The following TNKS variants were observed in gnomAD, a reference collection of about 807,000 sequenced individuals.
TNKS encodes tankyrase.
A neutral mutation model predicts 135.8 loss-of-function variants in TNKS; 72 were observed. The ratio of observed to expected loss-of-function variants is 0.53; its 90% CI spans 0.44 to 0.64. The LOEUF (loss-of-function observed/expected upper bound fraction) is 0.64. Among genes scored for constraint, TNKS ranks in the 30% least tolerant of loss-of-function variants. TNKS has a pLI of 0.00. For missense variants in TNKS, 1,769 were observed against 1,674.0 expected, an observed-to-expected ratio of 1.06 and a Z score of -0.99; for synonymous variants, 849 against 649.3, an observed-to-expected ratio of 1.31 and a Z score of -4.68.
At chr8:9,637,388 T>G (rs1393862535) in intron 3 of TNKS, among the ~76,000 whole-genome samples, 1 of 152,198 alleles carries the variant, frequency 6.6e-6, no homozygotes, top group Admixed American at 6.5e-5. Context: ...TTTATAATTC[T>G]AGTTATATAT....
At position 9,763,253 on chromosome 8, in the gene TNKS, C is replaced by T. The variant is rs568510264; in HGVS notation, c.3372+9C>T. The T allele has an allele frequency of 7.2e-6, 11 of 1,531,364 alleles. No individual in the cohort carries two copies. In the African/African-American group the frequency reaches 9.6e-5, roughly 13 times the overall value. The allele number at this position is 1,531,364 out of a possible 1,614,324, so 94.9% of individuals were successfully genotyped here. ...AGTCAGTGGAAGAAGAGGTAATATA[C>T]ATCAGAAATCTTTCATTTGCTTTTC... On this transcript the variant is annotated intron_variant, in intron 22 of 26. Coordinates refer to ENST00000310430, the MANE Select transcript of TNKS (RefSeq NM_003747.3).
intron 1 of TNKS, among the ~76,000 whole-genome samples, chr8:9,577,468 G>A (rs932005905): frequency 3.9e-5 from 6 of 152,284 alleles, no homozygotes; most frequent in Admixed American, 2.0e-4. Context: ...TGGCTGGGGA[G>A]GCCCCAGGAA....
intron 11 of TNKS, among the ~76,000 whole-genome samples, chr8:9,714,085 T>G (rs1466140863): frequency 2.0e-5 from 3 of 152,188 alleles, no homozygotes; most frequent in African/African-American, 7.2e-5. Context: ...ATTAAGTAAT[T>G]TGCCTTACTT....
intron 2 of TNKS, among the ~76,000 whole-genome samples, chr8:9,589,524 C>G (rs912790076): frequency 9.2e-5 from 14 of 152,230 alleles, no homozygotes; most frequent in African/African-American, 3.1e-4. Context: ...GCTGTGAGGT[C>G]TTGGCTTCAA....
intron 3 of TNKS, among the ~76,000 whole-genome samples, chr8:9,617,358 A>G (rs968356759): frequency 6.6e-6 from 1 of 152,222 alleles, no homozygotes; most frequent in Admixed American, 6.5e-5. Flanking sequence ...TCTTGGTCAT[A>G]ATACTGATTT....
chr8:9,722,278 G>A (rs1463625547), intron 12 of TNKS: 2 of 152,022 alleles, frequency 1.3e-5, no homozygotes, highest in Non-Finnish European at 2.9e-5. Context: ...CCCTTCTAGG[G>A]CTTGTAGAGA....
intron 25 of TNKS, among the ~76,000 whole-genome samples, chr8:9,768,429 C>T (rs1341245148): frequency 6.6e-6 from 1 of 152,346 alleles, no homozygotes; most frequent in East Asian, 1.9e-4. Flanking sequence ...ACGAATTTGT[C>T]TGCTGGCTCC....
intron 3 of TNKS, among the ~76,000 whole-genome samples, chr8:9,620,887 G>T (rs928024667): frequency 1.3e-5 from 2 of 152,128 alleles, no homozygotes; most frequent in Non-Finnish European, 2.9e-5. Context: ...GCATCATAAG[G>T]GTTTGGACTT....
At position 9,780,912 on chromosome 8, in the gene TNKS, GA is replaced by G; in HGVS notation, c.*4177del. On this transcript the variant is annotated 3_prime_UTR_variant, in exon 27 of 27. Transcript: ENST00000310430. ...TTCTGGTTTGGAGAAGTGCTGGAAA[GA>G]TTTCAAAGCCTATTCAGTTGTGTAT... 6.6e-6 allele frequency: 1 copy of G among 152,214 alleles called. No homozygotes were observed. Among genetic ancestry groups the G allele is most frequent in the East Asian group, 1.9e-4 (1 of 5,198 alleles). 9.4% of individuals were successfully genotyped at this position (152,214 alleles called of 1,614,324 possible).
intron 3 of TNKS, among the ~76,000 whole-genome samples, chr8:9,673,083 G>C (rs182314620): frequency 6.6e-6 from 1 of 152,088 alleles, no homozygotes; most frequent in African/African-American, 2.4e-5. Context: ...TTTGGCCGAT[G>C]TGTATTTATT....
At chr8:9,661,320 C>G (rs530213649) in intron 3 of TNKS, among the ~76,000 whole-genome samples, 16 of 152,168 alleles carry the variant, frequency 1.1e-4, no homozygotes, top group Non-Finnish European at 2.1e-4. Flanking sequence ...ATCATGTTAC[C>G]TGACTTCAAA....
chr8:9,649,090 AT>A (rs1457521635), intron 3 of TNKS, among the ~76,000 whole-genome samples: 1 of 152,226 alleles, frequency 6.6e-6, no homozygotes, highest in African/African-American at 2.4e-5. Context: ...TGAAGAAATT[AT>A]TATAATCATA....
intron 17 of TNKS, among the ~76,000 whole-genome samples, chr8:9,741,391 G>C (rs1211382912): frequency 1.3e-5 from 2 of 152,156 alleles, no homozygotes; most frequent in African/African-American, 4.8e-5. Context: ...CAACTGTGTA[G>C]ACTACAGTAG....
In TNKS at chr8:9,704,711, C is replaced by G. The variant is rs775727999; in HGVS notation, c.1156C>G (p.Gln386Glu). The G allele has an allele frequency of 1.7e-5, 28 of 1,613,396 alleles. No individual in the cohort carries two copies. The South Asian group carries it at 2.4e-4, about 14-fold the overall frequency. Residue 386 changes from glutamine to glutamate, a missense_variant, in exon 6 of 27, where the codon CAG (glutamine) becomes GAG (glutamate). This residue lies in a region of TNKS where 523 missense variants were observed against 541.0 expected (regional missense o/e 0.97). Coordinates refer to ENST00000310430, the MANE Select transcript of TNKS (RefSeq NM_003747.3). Reference sequence around the variant, plus strand: ...GGGCTACAACAGAGTTCGAATAGTTCAGCTTCTTCTTCAGCATGGTGCTGA... The same window carrying G: ...GGGCTACAACAGAGTTCGAATAGTTGAGCTTCTTCTTCAGCATGGTGCTGA... ...AAGYNRVRIV[Q>E]LLLQHGADVH...
intron 23 of TNKS, 120 bp from the exon 24 acceptor site, chr8:9,765,572 T>A (rs2128836784): frequency 2.6e-6 from 2 of 773,050 alleles, no homozygotes; most frequent in East Asian, 5.4e-5. Context: ...CTTTATCACT[T>A]TTAAATTATG....
At chr8:9,614,578 A>G (rs903711452) in intron 2 of TNKS, among the ~76,000 whole-genome samples, 9 of 152,224 alleles carry the variant, frequency 5.9e-5, no homozygotes, top group African/African-American at 2.2e-4. Context: ...TTACCTTCCA[A>G]ATATTGCTAA....
At chr8:9,599,687 TG>T (rs1233074820) in intron 2 of TNKS, among the ~76,000 whole-genome samples, 2 of 152,204 alleles carry the variant, frequency 1.3e-5, no homozygotes, top group Non-Finnish European at 2.9e-5. Context: ...GGATTAACTT[TG>T]TTCATTGCAA....
intron 5 of TNKS, among the ~76,000 whole-genome samples, chr8:9,689,784 AGGAATTTGTC>A (rs1803175099): frequency 6.6e-6 from 1 of 152,196 alleles, no homozygotes; most frequent in African/African-American, 2.4e-5. Context: ...AATCAGCTGA[AGGAATTTGTC>A]ACTTTCCCAG....
intron 3 of TNKS, among the ~76,000 whole-genome samples, chr8:9,634,176 G>T (rs1006194942): frequency 1.3e-5 from 2 of 150,832 alleles, no homozygotes; most frequent in Non-Finnish European, 3.0e-5. Context: ...TTACCTATAA[G>T]AACGTGAGAA....
Sources: gnomAD v4.1 joint callset for allele counts (sites outside exome capture counted in the v4.1 genomes callset) on GRCh38, gnomAD v4.1.1 for gene constraint, gnomAD v4.1.1 regional missense constraint, MANE v1.5 for transcripts, NCBI Gene and HGNC (gene_info 2026-07-23, HGNC 2026-07-21) for gene names.